The following GALNT2 variants were observed in gnomAD, a reference collection of about 807,000 sequenced individuals.
GALNT2 encodes the protein UDP-GalNAc:polypeptide N-acetylgalactosaminyltransferase 2.
GALNT2 carries 31 observed loss-of-function variants against 81.4 expected under a neutral mutation model. The ratio of observed to expected loss-of-function variants is 0.38; its 90% CI spans 0.29 to 0.51. The LOEUF (loss-of-function observed/expected upper bound fraction) is 0.51, where lower values mean the gene tolerates loss of function less well. Among genes scored for constraint, GALNT2 ranks in the 20% least tolerant of loss-of-function variants. The pLI is 0.87. For missense variants in GALNT2, 629 were observed against 765.7 expected (o/e 0.82, Z 2.11); for synonymous variants, 303 against 287.4 (o/e 1.05, Z -0.55).
At chr1:230,264,972 C>CAAAAAA (rs67239229) in intron 13 of GALNT2, 3 of 170,884 alleles carry the variant, frequency 1.8e-5, no homozygotes, top group Admixed American at 6.2e-5. Context: ...CCTTCCTTTC[C>CAAAAAA]AAAAAAAAAA....
chr1:230,184,235 C>T (rs1663248966), intron 2 of GALNT2, among the ~76,000 whole-genome samples: 1 of 150,066 alleles, frequency 6.7e-6, no homozygotes, highest in Non-Finnish European at 1.5e-5. Flanking sequence ...ATTACCCAGG[C>T]TAGAGTGCAG....
chr1:230,149,794 A>G (rs1662036877), intron 1 of GALNT2, among the ~76,000 whole-genome samples: 1 of 152,132 alleles, frequency 6.6e-6, no homozygotes, highest in African/African-American at 2.4e-5. Context: ...CATGGCGTGA[A>G]TAACTGCAAA....
At chr1:230,214,199 G>A (rs1664318494) in intron 3 of GALNT2, among the ~76,000 whole-genome samples, 4 of 150,706 alleles carry the variant, frequency 2.7e-5, no homozygotes. Flanking sequence ...TGCAACCTCC[G>A]CCTCCCCAGT....
intron 1 of GALNT2, among the ~76,000 whole-genome samples, chr1:230,165,751 A>G (rs1257783206): frequency 6.6e-6 from 1 of 152,246 alleles, no homozygotes; most frequent in Non-Finnish European, 1.5e-5. Flanking sequence ...CCTGGGTGGC[A>G]CTGGTCAACC....
chr1:230,262,956 A>G lies in GALNT2; in HGVS notation c.1264A>G (p.Ser422Gly), dbSNP rs756285254. 2.5e-6 allele frequency: 4 copies of G among 1,614,090 alleles called. No homozygotes were observed. In the Admixed American group the frequency reaches 6.7e-5, roughly 27 times the overall value. The change falls in exon 13 of 16, where the codon AGC becomes GGC. Residue 422 changes from serine (S) to glycine (G), a missense_variant. By Grantham distance (56) the Ser-to-Gly change is moderately conservative. Around this residue, in one of 3 missense-constraint regions of GALNT2, gnomAD observed 207 missense variants for 225.5 expected, o/e 0.92. Coordinates refer to ENST00000366672, the MANE Select transcript of GALNT2 (RefSeq NM_004481.5). Reference sequence around the variant, plus strand: ...CAGATTGGAGCTTAGGAAGAAACTCAGCTGCAAGCCTTTCAAATGGTACCT... The same window carrying G: ...CAGATTGGAGCTTAGGAAGAAACTCGGCTGCAAGCCTTTCAAATGGTACCT... ...QSRLELRKKLSCKPFKWYLEN... is the reference protein window; with the variant it reads ...QSRLELRKKLGCKPFKWYLEN...
chr1:230,074,800 T>A (rs1271903226), intron 1 of GALNT2, among the ~76,000 whole-genome samples: 3 of 152,240 alleles, frequency 2.0e-5, no homozygotes. Context: ...TTTCTTCTAG[T>A]GTACTGATGA....
intron 2 of GALNT2, among the ~76,000 whole-genome samples, chr1:230,192,565 A>G (rs1310213843): frequency 6.6e-6 from 1 of 152,266 alleles, no homozygotes. Flanking sequence ...AGTACAACAT[A>G]TAACGAAAAA....
chr1:230,167,583 C>A (rs555709380), intron 1 of GALNT2, among the ~76,000 whole-genome samples: 1 of 152,358 alleles, frequency 6.6e-6, no homozygotes, highest in South Asian at 2.1e-4. Flanking sequence ...AGGAGCATTG[C>A]ACTTTAGTTC....
intron 1 of GALNT2, among the ~76,000 whole-genome samples, chr1:230,158,056 C>T (rs1248851050): frequency 3.9e-5 from 6 of 152,116 alleles, no homozygotes; most frequent in African/African-American, 1.2e-4. Context: ...TGTGGAGAAC[C>T]GTCATGGAAC....
chr1:230,068,617 T>A (rs942956437), intron 1 of GALNT2, among the ~76,000 whole-genome samples: 7 of 152,190 alleles, frequency 4.6e-5, no homozygotes, highest in African/African-American at 1.7e-4. Flanking sequence ...GTCAGACCCC[T>A]AAATGTCCAC....
intron 1 of GALNT2, among the ~76,000 whole-genome samples, chr1:230,080,901 T>A (rs369415859): frequency 2.0e-5 from 3 of 152,346 alleles, no homozygotes; most frequent in African/African-American, 7.2e-5. Context: ...CTGTTGCTAA[T>A]GTCAACTGTC....
intron 1 of GALNT2, among the ~76,000 whole-genome samples, chr1:230,129,505 A>C (rs538510196): frequency 9.2e-5 from 14 of 152,034 alleles, no homozygotes; most frequent in African/African-American, 3.4e-4. Context: ...TTTTTTGTAA[A>C]GATGGGGTCT....
chr1:230,098,230 G>A (rs1660306326), intron 1 of GALNT2, among the ~76,000 whole-genome samples: 3 of 152,068 alleles, frequency 2.0e-5, no homozygotes, highest in Admixed American at 2.0e-4. Context: ...GTACTCCTGT[G>A]GAATGCTGGC....
chr1:230,267,945 C>T (rs903988331), intron 14 of GALNT2, among the ~76,000 whole-genome samples: 2 of 152,198 alleles, frequency 1.3e-5, no homozygotes, highest in Admixed American at 1.3e-4. Flanking sequence ...GTGGGTCCCG[C>T]TGTGGTCCAG....
chr1:230,131,673 G>A (rs1456687807), intron 1 of GALNT2, among the ~76,000 whole-genome samples: 6 of 152,232 alleles, frequency 3.9e-5, no homozygotes, highest in Non-Finnish European at 8.8e-5. Context: ...GTAGACCGAA[G>A]TTCGGTTTGG....
At position 230,104,036 on chromosome 1, in the gene GALNT2, G is replaced by T. The variant is rs981700755; in HGVS notation, c.126+36630G>T. Among the ~76,000 whole-genome samples the T allele has an allele frequency of 3.9e-5, 6 of 152,144 alleles. No individual in the cohort carries two copies. The South Asian group carries it at 1.2e-3, about 32-fold the overall frequency. On this transcript the variant is annotated intron_variant, in intron 1 of 15. Transcript: ENST00000366672. ...TTTAATTAACTAATTGATTCAGCTTGTGCTTACTGAGTGCGAGGCAGTCAT... is the reference window on the plus strand; with the variant it reads ...TTTAATTAACTAATTGATTCAGCTTTTGCTTACTGAGTGCGAGGCAGTCAT...
intron 1 of GALNT2, among the ~76,000 whole-genome samples, chr1:230,140,566 C>G (rs915933926): frequency 2.0e-5 from 3 of 152,128 alleles, no homozygotes; most frequent in Non-Finnish European, 4.4e-5. Flanking sequence ...CAGTGGTGCT[C>G]GGGAAACTTC....
At chr1:230,221,115 C>A (rs1248864627) in intron 3 of GALNT2, among the ~76,000 whole-genome samples, 1 of 152,176 alleles carries the variant, frequency 6.6e-6, no homozygotes, top group East Asian at 1.9e-4. Flanking sequence ...CGATGTATGT[C>A]ATTTTCTATA....
chr1:230,207,648 G>A (rs1037167128), intron 3 of GALNT2, among the ~76,000 whole-genome samples: 5 of 151,952 alleles, frequency 3.3e-5, no homozygotes, highest in Non-Finnish European at 7.4e-5. Flanking sequence ...GGCTGCAGTG[G>A]TACAATTTTG....
Sources: gnomAD v4.1 joint callset for allele counts (sites outside exome capture counted in the v4.1 genomes callset) on GRCh38, gnomAD v4.1.1 for gene constraint, gnomAD v4.1.1 regional missense constraint, MANE v1.5 for transcripts, NCBI Gene and HGNC (gene_info 2026-07-23, HGNC 2026-07-21) for gene names.